The following PDE3A variants were observed in gnomAD, a reference collection of about 807,000 sequenced individuals.
PDE3A encodes the protein phosphodiesterase 3A, also known as cGMP-inhibited 3',5'-cyclic phosphodiesterase 3A.
A neutral mutation model predicts 98.3 loss-of-function variants in PDE3A; 43 were observed. That is an observed-to-expected ratio of 0.44 (90% CI 0.34 to 0.56). The LOEUF (loss-of-function observed/expected upper bound fraction) is 0.56, where lower values mean the gene tolerates loss of function less well. PDE3A is among the 20% of genes least tolerant of loss of function. The probability of loss-of-function intolerance (pLI) is 0.01; values close to 1 mark genes in which losing one functional copy is unlikely to be tolerated. For missense variants in PDE3A, 1,427 were observed against 1,440.7 expected (o/e 0.99, Z 0.15); for synonymous variants, 663 against 567.9 (o/e 1.17, Z -2.38).
Position 20,682,780 on chromosome 12 carries a change from A to T in PDE3A, c.*2509A>T, listed in dbSNP as rs142737679. ...CCCCTTGCATCTAAGTACTTAGCAA[A>T]GTCAATATTTTCCCATTTTCCAAAT... On this transcript the variant is annotated 3_prime_UTR_variant, in exon 16 of 16. Coordinates refer to ENST00000359062, the MANE Select transcript of PDE3A (RefSeq NM_000921.5). 46 of 152,310 alleles carry T rather than the reference A, an allele frequency of 3.0e-4. No individual in the cohort carries two copies. The East Asian group carries it at 4.4e-3, about 15-fold the overall frequency. 9.4% of individuals were successfully genotyped at this position (152,310 alleles called of 1,614,324 possible). A position where few individuals can be genotyped will look rare whatever the true frequency, so the allele number is the denominator to read the frequency against.
intron 1 of PDE3A, among the ~76,000 whole-genome samples, chr12:20,370,583 C>G (rs746633344): frequency 6.6e-6 from 1 of 152,022 alleles, no homozygotes; most frequent in African/African-American, 2.4e-5. Flanking sequence ...AGTACTCTTA[C>G]GCTTTCCTTC....
chr12:20,439,046 C>T (rs1992357583), intron 1 of PDE3A, among the ~76,000 whole-genome samples: 1 of 152,106 alleles, frequency 6.6e-6, no homozygotes, highest in Admixed American at 6.6e-5. Flanking sequence ...CTGCCTGCCT[C>T]ACCCTTTCAG....
At chr12:20,476,776 G>A (rs1401671881) in intron 1 of PDE3A, among the ~76,000 whole-genome samples, 1 of 152,166 alleles carries the variant, frequency 6.6e-6, no homozygotes, top group East Asian at 1.9e-4. Context: ...AGAGCAAAAA[G>A]ATATGACAAC....
At chr12:20,455,798 G>A (rs1387004213) in intron 1 of PDE3A, among the ~76,000 whole-genome samples, 1 of 152,060 alleles carries the variant, frequency 6.6e-6, no homozygotes, top group African/African-American at 2.4e-5. Flanking sequence ...TAAAAAGATT[G>A]GGAAAGGTCT....
At chr12:20,377,097 A>G (rs1943586528) in intron 1 of PDE3A, among the ~76,000 whole-genome samples, 1 of 151,728 alleles carries the variant, frequency 6.6e-6, no homozygotes, top group Non-Finnish European at 1.5e-5. Context: ...GTGTACCTGT[A>G]TGTGCATTTA....
chr12:20,627,212 T>C (rs888701486), intron 5 of PDE3A, among the ~76,000 whole-genome samples: 5 of 151,576 alleles, frequency 3.3e-5, no homozygotes, highest in Admixed American at 1.3e-4. Flanking sequence ...TGAGAACAGC[T>C]AAGGAATTGC....
chr12:20,635,342 G>A (rs1277656060), intron 8 of PDE3A, among the ~76,000 whole-genome samples: 1 of 152,086 alleles, frequency 6.6e-6, no homozygotes. Flanking sequence ...CAAGGCGGGA[G>A]TATCACGAGG....
intron 1 of PDE3A, among the ~76,000 whole-genome samples, chr12:20,394,659 G>A (rs1460099628): frequency 1.3e-5 from 2 of 152,030 alleles, no homozygotes; most frequent in Non-Finnish European, 2.9e-5. Context: ...CTCCACAGAA[G>A]AAAATACGAT....
rs142213845 is a variant in PDE3A at position 20,535,345 on chromosome 12, G to C, written c.961-21315G>C. Reference sequence around the variant, plus strand: ...TCTTAGGGAAGAATTCATTGTTTCCGTATTTGTGAATTATAGCACCTACCC... The same window carrying C: ...TCTTAGGGAAGAATTCATTGTTTCCCTATTTGTGAATTATAGCACCTACCC... On this transcript the variant is annotated intron_variant, in intron 1 of 15. Coordinates refer to ENST00000359062, the MANE Select transcript of PDE3A (RefSeq NM_000921.5). Among the ~76,000 whole-genome samples, 389 of 152,174 alleles carry C rather than the reference G, an allele frequency of 2.6e-3. 4 individuals are homozygous for C. The highest frequency in any genetic ancestry group is 9.1e-3 in the African/African-American group (376 of 41,524).
chr12:20,625,024 G>A (rs1944228043), intron 5 of PDE3A, among the ~76,000 whole-genome samples: 1 of 152,182 alleles, frequency 6.6e-6, no homozygotes, highest in Non-Finnish European at 1.5e-5. Flanking sequence ...AAGCGAGTAT[G>A]AAGTAAGAAG....
At chr12:20,545,785 A>T (rs200114289) in intron 1 of PDE3A, among the ~76,000 whole-genome samples, 5 of 140,826 alleles carry the variant, frequency 3.6e-5, no homozygotes, top group Non-Finnish European at 3.2e-5. Context: ...GCCAAAAAAA[A>T]AAAAACAAAA....
intron 1 of PDE3A, among the ~76,000 whole-genome samples, chr12:20,521,133 G>C (rs928369437): frequency 3.6e-5 from 1 of 27,742 alleles, no homozygotes; most frequent in Non-Finnish European, 8.0e-5. Context: ...CTCTCCTGGA[G>C]TGTTTTTTTT....
rs1430408394 is a variant in PDE3A, at chr12:20,386,246, A to G, written c.960+16002A>G. On this transcript the variant is annotated intron_variant, in intron 1 of 15. Transcript: ENST00000359062. ...AAAAAATAAAAATATAAATATAAAT[A>G]TATTAATTATATTAATATATTATAT... 4.6e-5 allele frequency among the ~76,000 whole-genome samples: 6 copies of G among 130,166 alleles called. No individual in the cohort carries two copies. The East Asian group carries it at 1.3e-3, about 27-fold the overall frequency. 85.4% of individuals were successfully genotyped at this position (130,166 alleles called of 152,430 possible).
intron 5 of PDE3A, among the ~76,000 whole-genome samples, chr12:20,627,264 AGCAATTACTTTTAATTGCTGTTTTT>A (rs1400038817): frequency 7.9e-5 from 12 of 152,024 alleles, no homozygotes; most frequent in East Asian, 7.7e-4. Context: ...CTTATGACAC[AGCAATTACTTTTAATTGCTGTTTTT>A]GCAATTACTT....
At chr12:20,448,283 T>C (rs1202354538) in intron 1 of PDE3A, among the ~76,000 whole-genome samples, 1 of 152,044 alleles carries the variant, frequency 6.6e-6, no homozygotes, top group Non-Finnish European at 1.5e-5. Context: ...CTACTAAAAC[T>C]ACCAAAAATT....
intron 10 of PDE3A, 118 bp from the exon 11 acceptor site, chr12:20,646,372 C>T (rs1169558820): frequency 8.0e-6 from 5 of 624,912 alleles, no homozygotes; most frequent in Admixed American, 2.7e-5. Context: ...AAAGTTTGGC[C>T]AACTTTCATG....
intron 1 of PDE3A, among the ~76,000 whole-genome samples, chr12:20,414,923 T>C (rs1944397234): frequency 6.6e-6 from 1 of 152,184 alleles, no homozygotes; most frequent in Non-Finnish European, 1.5e-5. Flanking sequence ...CCTAAAAGTA[T>C]GTCAAACATA....
intron 1 of PDE3A, among the ~76,000 whole-genome samples, chr12:20,447,304 A>G (rs1944974519): frequency 6.6e-6 from 1 of 152,192 alleles, no homozygotes; most frequent in Non-Finnish European, 1.5e-5. Context: ...TTTCTGTCAT[A>G]CAGCTCCTAA....
intron 15 of PDE3A, among the ~76,000 whole-genome samples, chr12:20,679,421 G>A (rs544399491): frequency 5.9e-5 from 9 of 152,056 alleles, no homozygotes; most frequent in Admixed American, 2.0e-4. Flanking sequence ...TTAATTTTTT[G>A]TATTTTTAGT....
Sources: allele counts gnomAD v4.1 joint callset (sites outside exome capture counted in the v4.1 genomes callset), GRCh38; gene constraint gnomAD v4.1.1; transcripts MANE v1.5; gene names NCBI Gene and HGNC (gene_info 2026-07-23, HGNC 2026-07-21).